ADGRG3: variants seen among roughly 807,000 people sequenced by gnomAD.
ADGRG3 encodes adhesion G protein-coupled receptor G3, also known as G protein-coupled receptor 97.
In ADGRG3, 39 loss-of-function variants were observed where a neutral mutation model predicts 54.3. That is an observed-to-expected ratio of 0.72 (90% CI 0.56 to 0.94). The LOEUF is 0.94. ADGRG3 is among the 40% of genes least tolerant of loss of function. ADGRG3 has a pLI of 0.00. For missense variants in ADGRG3, 654 were observed against 694.6 expected, an observed-to-expected ratio of 0.94 and a Z score of 0.66; for synonymous variants, 312 against 290.0, an observed-to-expected ratio of 1.08 and a Z score of -0.77.
chr16:57,688,216 G>T (rs1360147328), intron 11 of ADGRG3, 136 bp from the exon 12 acceptor site: 9 of 673,700 alleles, frequency 1.3e-5, no homozygotes, highest in Non-Finnish European at 1.9e-5. Flanking sequence ...GTTGTGAAAT[G>T]GTTGCATTTT....
upstream of ADGRG3, among the ~76,000 whole-genome samples, chr16:57,667,223 G>A (rs1489066493): frequency 2.0e-5 from 3 of 152,254 alleles, no homozygotes; most frequent in Non-Finnish European, 2.9e-5. Flanking sequence ...GCCAGCAGGG[G>A]CTGAGCGGCT....
At chr16:57,685,442 T>G (rs191723010) in intron 10 of ADGRG3, among the ~76,000 whole-genome samples, 3 of 152,276 alleles carry the variant, frequency 2.0e-5, no homozygotes, top group Non-Finnish European at 4.4e-5. Flanking sequence ...AAATGAAACA[T>G]GTCTTTGAGG....
At chr16:57,667,809 G>T (rs2148688750), upstream of ADGRG3, among the ~76,000 whole-genome samples, 1 of 152,336 alleles carries the variant, frequency 6.6e-6, no homozygotes, top group South Asian at 2.1e-4. Flanking sequence ...CACCATCTGG[G>T]TCTTCGTCCT....
Position 57,680,344 on chromosome 16 carries a change from G to T in ADGRG3, c.747G>T (p.Leu249=). 6.2e-7 allele frequency: 1 copy of T among 1,612,910 alleles called. No homozygotes were observed. Among genetic ancestry groups the T allele is most frequent in the Non-Finnish European group, 8.5e-7 (1 of 1,179,654 alleles). ...GGACCGTGTGCTGCTGTGACCACCT[G>T]ACCTTTTTCGCCCTGCTCCTGGTAA... ...PEGTVCCCDH[L]TFFALLLRPT... Residue 249 remains leucine (L), a synonymous_variant, in exon 7 of 12, where the codon CTG becomes CTT. Transcript: ENST00000333493.
At chr16:57,687,346 G>A (rs2048493713) in intron 11 of ADGRG3, among the ~76,000 whole-genome samples, 1 of 152,102 alleles carries the variant, frequency 6.6e-6, no homozygotes, top group African/African-American at 2.4e-5. Flanking sequence ...CACCTCCTGG[G>A]TTCAAGTAAT....
chr16:57,686,439 C>A (rs1471604631), intron 11 of ADGRG3, among the ~76,000 whole-genome samples: 1 of 149,724 alleles, frequency 6.7e-6, no homozygotes, highest in Admixed American at 6.6e-5. Flanking sequence ...AATCTCCTCC[C>A]CTCAGGCCCC....
chr16:57,673,433 G>T lies in ADGRG3; in HGVS notation c.171G>T (p.Ser57=). 6.2e-7 allele frequency: 1 copy of T among 1,611,592 alleles called. No individual in the cohort carries two copies. The highest frequency in any genetic ancestry group is 8.5e-7 in the Non-Finnish European group (1 of 1,177,786). Residue 57 remains serine (S), a synonymous_variant, in exon 2 of 12, where the codon TCG becomes TCT. Transcript: ENST00000333493. ...TGTGCTTCACCAAGTGCAGGCAGTC[G>T]GGCAGCGACTCCTGCAATGTGGAAA... The part of the protein sequence containing the change: ...KALCFTKCRQ[S]GSDSCNVENL...
chr16:57,673,422 T>C lies in ADGRG3; in HGVS notation c.160T>C (p.Cys54Arg), dbSNP rs200198115. Residue 54 changes from cysteine (C) to arginine (R), a missense_variant, in exon 2 of 12, where the codon TGC becomes CGC. By Grantham distance (180) the Cys-to-Arg change is radical (BLOSUM62 -3). Transcript: ENST00000333493. ...TGACAAGGCTTTGTGCTTCACCAAG[T>C]GCAGGCAGTCGGGCAGCGACTCCTG... The part of the protein sequence containing the change: ...LNDKALCFTK[C>R]RQSGSDSCNV... 161 of 1,612,256 alleles carry C rather than the reference T, an allele frequency of 1.0e-4. No individual in the cohort carries two copies. The Admixed American group carries it at 1.3e-3, about 13-fold the overall frequency.
At chr16:57,684,367 A>G (rs752973402) in intron 9 of ADGRG3, 23 bp from the exon 10 acceptor site, 3 of 1,604,560 alleles carry the variant, frequency 1.9e-6, no homozygotes, top group South Asian at 2.2e-5. Flanking sequence ...CAGTGGTGTC[A>G]TGCCATTTCC....
At position 57,679,846 on chromosome 16, in the gene ADGRG3, G is replaced by A. The variant is rs746668099; in HGVS notation, c.658G>A (p.Val220Met). The change falls in exon 6 of 12, where the codon GTG becomes ATG. Residue 220 changes from valine to methionine, a missense_variant. Transcript: ENST00000333493. ...GACCCTCACCTGTGTATTCTGGGAT[G>A]TGACTAAAGGTAGGGCCCGGAGGAC... ...NMTLTCVFWD[V>M]TKGTTGDWSS... The A allele has an allele frequency of 6.2e-7, 1 of 1,612,284 alleles. No individual in the cohort carries two copies. The highest frequency in any genetic ancestry group is 1.1e-5 in the South Asian group (1 of 91,038).
At chr16:57,679,793 T>C (rs2048330716) in intron 5 of ADGRG3, 23 bp from the exon 6 acceptor site, 4 of 1,607,750 alleles carry the variant, frequency 2.5e-6, no homozygotes, top group Non-Finnish European at 2.6e-6. Context: ...TCCTCTCTCC[T>C]GACTTCCACT....
At chr16:57,674,452 G>C in intron 2 of ADGRG3, 1 of 235,996 alleles carries the variant, frequency 4.2e-6, no homozygotes, top group Non-Finnish European at 9.3e-6. Context: ...AAAGCACGTG[G>C]CTTACATTAG....
At chr16:57,667,323 C>A (rs558459721), upstream of ADGRG3, among the ~76,000 whole-genome samples, 1 of 152,338 alleles carries the variant, frequency 6.6e-6, no homozygotes, top group East Asian at 1.9e-4. Context: ...GGTGGGATGC[C>A]CTTCACCTTC....
Position 57,676,208 on chromosome 16 carries a change from T to C in ADGRG3, c.215T>C (p.Leu72Pro). The C allele has an allele frequency of 6.2e-7, 1 of 1,614,026 alleles. No homozygotes were observed. Among genetic ancestry groups the C allele is most frequent in the Non-Finnish European group, 8.5e-7 (1 of 1,179,918 alleles). ...CNVENLQRYWLNYEAHLMKEG... is the reference protein window; with the variant it reads ...CNVENLQRYWPNYEAHLMKEG... ...TCCCTGGCCCTTTGCAGATACTGGCTAAACTACGAGGCCCATCTGATGAAG... is the reference window on the plus strand; with the variant it reads ...TCCCTGGCCCTTTGCAGATACTGGCCAAACTACGAGGCCCATCTGATGAAG... Residue 72 changes from leucine (L) to proline (P), a missense_variant, in exon 3 of 12, where the codon CTA becomes CCA. Coordinates refer to ENST00000333493, the MANE Select transcript of ADGRG3 (RefSeq NM_170776.5).
chr16:57,666,784 A>G (rs1006044528), upstream of ADGRG3, among the ~76,000 whole-genome samples: 15 of 152,008 alleles, frequency 9.9e-5, no homozygotes, highest in African/African-American at 3.6e-4. Context: ...CCCTCTGCCC[A>G]CTTCCCAGGT....
At position 57,685,663 on chromosome 16, in the gene ADGRG3, C is replaced by A. The variant is rs750416821; in HGVS notation, c.1277C>A (p.Thr426Lys). 3 of 1,614,148 alleles carry A rather than the reference C, an allele frequency of 1.9e-6. No individual in the cohort carries two copies. Among genetic ancestry groups the A allele is most frequent in the South Asian group, 1.1e-5 (1 of 91,090 alleles). Residue 426 changes from threonine to lysine, a missense_variant, in exon 11 of 12, where the codon ACA becomes AAA. Coordinates refer to ENST00000333493, the MANE Select transcript of ADGRG3 (RefSeq NM_170776.5). ...SLELCWFREG[T>K]TMYALYITVH... ...TCCAGATGCTGGTTCCGTGAAGGGA[C>A]AACCATGTACGCCCTCTATATCACC...
chr16:57,678,547 G>A (rs2048305783), intron 4 of ADGRG3: 1 of 567,640 alleles, frequency 1.8e-6, no homozygotes, highest in Non-Finnish European at 3.2e-6. Context: ...CCACACATGA[G>A]TGCCCTTTGG....
chr16:57,668,284 C>T (rs2048087084), upstream of ADGRG3: 2 of 1,403,816 alleles, frequency 1.4e-6, no homozygotes, highest in Non-Finnish European at 2.0e-6. Flanking sequence ...GCCAGCTCAG[C>T]AGAGCCTGGG....
chr16:57,673,420 A>G lies in ADGRG3; in HGVS notation c.158A>G (p.Lys53Arg). 6.2e-7 allele frequency: 1 copy of G among 1,612,294 alleles called. No homozygotes were observed. Residue 53 changes from lysine to arginine, a missense_variant, in exon 2 of 12, where the codon AAG becomes AGG. By Grantham distance (26) the Lys-to-Arg change is conservative. Coordinates refer to ENST00000333493, the MANE Select transcript of ADGRG3 (RefSeq NM_170776.5). ...AATGACAAGGCTTTGTGCTTCACCA[A>G]GTGCAGGCAGTCGGGCAGCGACTCC... ...NLNDKALCFT[K>R]CRQSGSDSCN...
Sources: gnomAD v4.1 joint callset for allele counts (sites outside exome capture counted in the v4.1 genomes callset) on GRCh38, gnomAD v4.1.1 for gene constraint, MANE v1.5 for transcripts, NCBI Gene and HGNC (gene_info 2026-07-23, HGNC 2026-07-21) for gene names.